The following ZNF800 variants were observed in gnomAD, a reference collection of about 807,000 sequenced individuals.
ZNF800 encodes the protein zinc finger protein 800.
In ZNF800, 13 loss-of-function variants were observed where a neutral mutation model predicts 59.5. The ratio of observed to expected loss-of-function variants is 0.22; its 90% confidence interval spans 0.14 to 0.35. The LOEUF (loss-of-function observed/expected upper bound fraction) is 0.35. ZNF800 is among the 10% of genes least tolerant of loss of function. The probability of loss-of-function intolerance (pLI) is 1.00; values close to 1 mark genes in which losing one functional copy is unlikely to be tolerated. For missense variants in ZNF800, 621 were observed against 783.7 expected (o/e 0.79, Z 2.48); for synonymous variants, 266 against 265.7 (o/e 1.00, Z -0.01).
At chr7:127,343,728 A>T (rs928975138), downstream of ZNF800, among the ~76,000 whole-genome samples, 1 of 152,054 alleles carries the variant, frequency 6.6e-6, no homozygotes, top group Non-Finnish European at 1.5e-5. Context: ...TAATCCAAAT[A>T]AAATGTAAGA....
rs776581556 is a variant in ZNF800 at position 127,386,070 on chromosome 7, G to A, written c.147C>T (p.Cys49=). Residue 49 remains cysteine, a synonymous_variant, in exon 3 of 6, where the codon TGC becomes TGT. Transcript: ENST00000265827. ...SKSGIQQIIE[C]FRSGTKQLKH... ...CTAAAACATTCATACCTGATCGAAAGCACTCAATTATTTGTTGAATACCAG... is the reference window on the plus strand; with the variant it reads ...CTAAAACATTCATACCTGATCGAAAACACTCAATTATTTGTTGAATACCAG... The A allele has an allele frequency of 6.2e-7, 1 of 1,609,584 alleles. No homozygotes were observed. Among genetic ancestry groups the A allele is most frequent in the South Asian group, 1.1e-5 (1 of 90,714 alleles).
intron 1 of ZNF800, among the ~76,000 whole-genome samples, chr7:127,359,314 T>C (rs1221397901): frequency 1.3e-5 from 2 of 152,104 alleles, no homozygotes; most frequent in Non-Finnish European, 2.9e-5. Context: ...CCAGCATCCC[T>C]TCAGCTTCCT....
intron 1 of ZNF800, among the ~76,000 whole-genome samples, chr7:127,357,846 CAGAG>C (rs144276471): frequency 2.0e-5 from 3 of 149,186 alleles, no homozygotes; most frequent in Non-Finnish European, 3.0e-5. Flanking sequence ...GTGGGGGTAA[CAGAG>C]AGAGAGAGAG....
downstream of ZNF800, among the ~76,000 whole-genome samples, chr7:127,345,385 G>A (rs193122308): frequency 8.6e-4 from 131 of 152,212 alleles, no homozygotes; most frequent in South Asian, 0.019. Context: ...GACTGATACA[G>A]CAAATGGGAG....
At chr7:127,342,864 C>T (rs1353119498), downstream of ZNF800, among the ~76,000 whole-genome samples, 2 of 152,104 alleles carry the variant, frequency 1.3e-5, no homozygotes, top group Non-Finnish European at 2.9e-5. Context: ...TATAATTTCA[C>T]TTTTTCCAAA....
intron 3 of ZNF800, among the ~76,000 whole-genome samples, chr7:127,381,153 G>T (rs1027516504): frequency 5.3e-5 from 8 of 152,170 alleles, no homozygotes; most frequent in Non-Finnish European, 1.2e-4. Flanking sequence ...CTTACTTAAT[G>T]CACTGACATT....
intron 4 of ZNF800, among the ~76,000 whole-genome samples, chr7:127,375,967 A>G (rs1800779565): frequency 6.6e-6 from 1 of 151,992 alleles, no homozygotes; most frequent in Non-Finnish European, 1.5e-5. Flanking sequence ...ACAAGTACAC[A>G]GTAATCTAGC....
At chr7:127,375,496 A>G (rs1336454264) in intron 4 of ZNF800, among the ~76,000 whole-genome samples, 2 of 152,080 alleles carry the variant, frequency 1.3e-5, no homozygotes, top group Non-Finnish European at 2.9e-5. Flanking sequence ...TTAATCCATA[A>G]TAGTCTAATC....
chr7:127,347,241 G>A (rs62468916), exon 2 of ZNF800: 15,912 of 152,420 alleles, frequency 0.1, 1,072 homozygotes, highest in Middle Eastern at 0.27. Flanking sequence ...CAGGAAGGAG[G>A]GGACTGGATG....
At chr7:127,357,645 AT>A (rs1268223133) in intron 1 of ZNF800, among the ~76,000 whole-genome samples, 1 of 152,084 alleles carries the variant, frequency 6.6e-6, no homozygotes, top group African/African-American at 2.4e-5. Context: ...CAATTGCTTT[AT>A]TTTTTAAAAT....
Position 127,374,452 on chromosome 7 carries a change from G to T in ZNF800, c.884C>A (p.Ser295Ter). ...LSRSCPVCCK[S>*]FATKANVRRH... ...CCTTACATTCGCTTTTGTAGCAAAT[G>T]ATTTACAACATACTGGACAACTCCT... The change falls in exon 5 of 6, where the codon TCA becomes TAA. Residue 295 changes from serine to a stop codon, truncating the protein, a stop_gained. Coordinates refer to ENST00000265827, the MANE Select transcript of ZNF800 (RefSeq NM_176814.5). LOFTEE classifies it high-confidence loss of function. 6.2e-7 allele frequency: 1 copy of T among 1,614,050 alleles called. No homozygotes were observed. The highest frequency in any genetic ancestry group is 8.5e-7 in the Non-Finnish European group (1 of 1,179,984).
At chr7:127,345,881 C>T (rs73445345), downstream of ZNF800, among the ~76,000 whole-genome samples, 1,330 of 152,150 alleles carry the variant, frequency 8.7e-3, 20 homozygotes, top group African/African-American at 0.029. Flanking sequence ...AAGTTTAGTT[C>T]TAAAGGAGAG....
chr7:127,387,872 A>T (rs1291408183), intron 2 of ZNF800, among the ~76,000 whole-genome samples: 1 of 151,740 alleles, frequency 6.6e-6, no homozygotes, highest in Non-Finnish European at 1.5e-5. Flanking sequence ...ATAAATAAAC[A>T]AATTAATTAA....
intron 4 of ZNF800, among the ~76,000 whole-genome samples, chr7:127,376,409 T>C (rs1376075027): frequency 1.3e-5 from 2 of 151,898 alleles, no homozygotes; most frequent in African/African-American, 2.4e-5. Flanking sequence ...TAGCCCAATA[T>C]TGAATTTTTT....
intron 2 of ZNF800, among the ~76,000 whole-genome samples, 168 bp from the exon 3 acceptor site, chr7:127,386,323 A>T (rs1406350713): frequency 6.6e-6 from 1 of 152,220 alleles, no homozygotes; most frequent in Non-Finnish European, 1.5e-5. Flanking sequence ...ATAATTAACC[A>T]TCATCTTTGT....
At position 127,377,666 on chromosome 7, in the gene ZNF800, G is replaced by C. The variant is rs1360907652; in HGVS notation, c.158-337C>G. On this transcript the variant is annotated intron_variant, in intron 3 of 5. Coordinates refer to ENST00000265827, the MANE Select transcript of ZNF800 (RefSeq NM_176814.5). The surrounding 1 kb of genome is among the most constrained non-coding windows in gnomAD (Gnocchi z 4.7). ...TAAAGATGTACACAGCCCTCCCCTA[G>C]AGGTTCAGATTTAATAGATTTGGAG... Among the ~76,000 whole-genome samples the C allele has an allele frequency of 1.3e-5, 2 of 152,018 alleles. No homozygotes were observed. The highest frequency in any genetic ancestry group is 1.5e-5 in the Non-Finnish European group (1 of 67,922).
chr7:127,388,335 G>T (rs1458931499), intron 2 of ZNF800, among the ~76,000 whole-genome samples: 1 of 152,126 alleles, frequency 6.6e-6, no homozygotes, highest in Non-Finnish European at 1.5e-5. Context: ...ACAGAAGTTT[G>T]TAAACAGACC....
chr7:127,367,198 T>C (rs1213384049), downstream of ZNF800, among the ~76,000 whole-genome samples: 1 of 151,988 alleles, frequency 6.6e-6, no homozygotes, highest in East Asian at 1.9e-4. Flanking sequence ...AGTTGTACAA[T>C]TACTCTTGGA....
At chr7:127,379,342 T>C (rs1035916054) in intron 3 of ZNF800, among the ~76,000 whole-genome samples, 6 of 152,142 alleles carry the variant, frequency 3.9e-5, no homozygotes, top group Non-Finnish European at 5.9e-5. Flanking sequence ...TAGGTGAGCA[T>C]AGTAGCAGTG....
Sources: allele counts gnomAD v4.1 joint callset (sites outside exome capture counted in the v4.1 genomes callset), GRCh38; gene constraint gnomAD v4.1.1; non-coding constraint Gnocchi (gnomAD v3.1); transcripts MANE v1.5; gene names NCBI Gene and HGNC (gene_info 2026-07-23, HGNC 2026-07-21).